Variants in FBXL2 observed in about 807,000 individuals in gnomAD.
The protein encoded by FBXL2 is F-box/LRR-repeat protein 2.
FBXL2 carries 38 observed loss-of-function variants against 69.2 expected under a neutral mutation model. That is an observed-to-expected ratio of 0.55 (90% confidence interval 0.42 to 0.72). The LOEUF is 0.72. Ranked by LOEUF, FBXL2 falls within the 30% of genes least tolerant of loss-of-function variation. The pLI is 0.00. For synonymous variants in FBXL2, 192 were observed against 201.3 expected (o/e 0.95, Z 0.39); for missense variants, 354 against 520.3 (o/e 0.68, Z 3.11).
chr3:33,339,347 C>T (rs1437074357), intron 2 of FBXL2, among the ~76,000 whole-genome samples: 1 of 152,184 alleles, frequency 6.6e-6, no homozygotes, highest in East Asian at 1.9e-4. Flanking sequence ...CTAGTTCAGC[C>T]ACTGTAGAAG....
intron 2 of FBXL2, among the ~76,000 whole-genome samples, chr3:33,357,706 T>C (rs2041310165): frequency 1.3e-5 from 2 of 152,074 alleles, no homozygotes; most frequent in South Asian, 4.1e-4. Context: ...ATTTTTTGTA[T>C]TTTTAGTAGA....
At chr3:33,384,732 G>A (rs117227179) in intron 14 of FBXL2, among the ~76,000 whole-genome samples, 2 of 151,916 alleles carry the variant, frequency 1.3e-5, no homozygotes, top group East Asian at 2.0e-4. Flanking sequence ...TCTGGTGATC[G>A]TAGCCCTTAT....
intron 5 of FBXL2, among the ~76,000 whole-genome samples, chr3:33,364,943 A>G (rs2041858061): frequency 6.6e-6 from 1 of 152,098 alleles, no homozygotes; most frequent in Non-Finnish European, 1.5e-5. Context: ...CCCCCGGCCG[A>G]GTGTCAGTTC....
intron 2 of FBXL2, among the ~76,000 whole-genome samples, chr3:33,316,793 G>A (rs1294942382): frequency 1.3e-5 from 2 of 152,136 alleles, no homozygotes; most frequent in Admixed American, 1.3e-4. Flanking sequence ...ATAATTTACA[G>A]ACAATAAAAT....
intron 1 of FBXL2, among the ~76,000 whole-genome samples, chr3:33,284,976 G>A (rs1245589053): frequency 6.6e-6 from 1 of 152,140 alleles, no homozygotes; most frequent in Non-Finnish European, 1.5e-5. Context: ...ACAGCACACT[G>A]TTGGGTCTTG....
At chr3:33,406,587 A>G (rs1359248694), downstream of FBXL2, among the ~76,000 whole-genome samples, 1 of 152,248 alleles carries the variant, frequency 6.6e-6, no homozygotes, top group African/African-American at 2.4e-5. Context: ...AGCATGGCAG[A>G]GTAATGTAGA....
the FBXL2 span, among the ~76,000 whole-genome samples, chr3:33,419,020 C>A: frequency 6.6e-6 from 1 of 152,252 alleles, no homozygotes; most frequent in East Asian, 1.9e-4. Context: ...CAAATTAAAA[C>A]CACACTGAAA....
rs534975453 is a variant in FBXL2, at chr3:33,383,987, A to G, written c.952-2A>G. 1 of 1,613,936 alleles carries G rather than the reference A, an allele frequency of 6.2e-7. No individual in the cohort carries two copies. The highest frequency in any genetic ancestry group is 1.1e-5 in the South Asian group (1 of 91,076). On this transcript the variant is annotated splice_acceptor_variant, in intron 13 of 14. Coordinates refer to ENST00000484457, the MANE Select transcript of FBXL2 (RefSeq NM_012157.5). LOFTEE classifies it high-confidence loss of function. Reference sequence around the variant, plus strand: ...ACATTTACTCATGTCTTCCTGTTCCAGAGCCTGTCCCACTGTGAACTCATC... The same window carrying G: ...ACATTTACTCATGTCTTCCTGTTCCGGAGCCTGTCCCACTGTGAACTCATC...
At chr3:33,352,390 C>T (rs1029036412) in intron 2 of FBXL2, among the ~76,000 whole-genome samples, 1 of 152,066 alleles carries the variant, frequency 6.6e-6, no homozygotes, top group Non-Finnish European at 1.5e-5. Flanking sequence ...TCTAGGTGAC[C>T]TTAGATTTGG....
intron 12 of FBXL2, chr3:33,396,284 C>CCG (rs2043991614): frequency 6.4e-7 from 1 of 1,570,306 alleles, no homozygotes; most frequent in African/African-American, 1.3e-5. Context: ...AACCGACCTG[C>CCG]AATCAGAAGA....
At chr3:33,326,686 A>G (rs1388653651) in intron 2 of FBXL2, among the ~76,000 whole-genome samples, 2 of 152,170 alleles carry the variant, frequency 1.3e-5, no homozygotes, top group Non-Finnish European at 1.5e-5. Flanking sequence ...GCACCTTGGT[A>G]TATGAGCACA....
At chr3:33,357,990 C>A (rs72852017) in intron 2 of FBXL2, among the ~76,000 whole-genome samples, 10,025 of 152,172 alleles carry the variant, frequency 0.066, 1,106 homozygotes, top group African/African-American at 0.22. Flanking sequence ...ACAACACTTT[C>A]ATGTTTTATG....
chr3:33,360,847 T>C (rs1366096792), intron 4 of FBXL2, among the ~76,000 whole-genome samples: 1 of 151,394 alleles, frequency 6.6e-6, no homozygotes, highest in African/African-American at 2.4e-5. Flanking sequence ...TCTTTTTCTG[T>C]GGTTCTTCAT....
chr3:33,355,828 C>T (rs1422234487), intron 2 of FBXL2, among the ~76,000 whole-genome samples: 17 of 152,190 alleles, frequency 1.1e-4, no homozygotes, highest in Non-Finnish European at 1.5e-5. Flanking sequence ...GTCGCTATCT[C>T]CGTTTCTATT....
chr3:33,282,831 T>G (rs2034181926), intron 1 of FBXL2, among the ~76,000 whole-genome samples: 1 of 152,212 alleles, frequency 6.6e-6, no homozygotes, highest in African/African-American at 2.4e-5. Flanking sequence ...AGTTCACTCA[T>G]GATTTGGCTC....
the FBXL2 span, among the ~76,000 whole-genome samples, chr3:33,421,944 T>G: frequency 6.6e-6 from 1 of 152,138 alleles, no homozygotes; most frequent in Admixed American, 6.5e-5. Context: ...CTCCAGAGGC[T>G]GAGGCAGGAG....
intron 2 of FBXL2, among the ~76,000 whole-genome samples, chr3:33,350,287 CAT>C (rs2040737498): frequency 2.0e-5 from 3 of 152,134 alleles, no homozygotes; most frequent in South Asian, 4.2e-4. Context: ...AGAAAAAAAT[CAT>C]GTGGTCACAT....
chr3:33,307,243 A>G (rs781715534), intron 2 of FBXL2, among the ~76,000 whole-genome samples: 1 of 152,190 alleles, frequency 6.6e-6, no homozygotes, highest in Non-Finnish European at 1.5e-5. Flanking sequence ...GCACAATATC[A>G]TATCTGTGGC....
chr3:33,295,632 ACT>A (rs1236294727), intron 1 of FBXL2, among the ~76,000 whole-genome samples: 1 of 151,938 alleles, frequency 6.6e-6, no homozygotes, highest in African/African-American at 2.4e-5. Flanking sequence ...TCATATGGTA[ACT>A]CTTTTTAACC....
Sources: gnomAD v4.1 joint callset for allele counts (sites outside exome capture counted in the v4.1 genomes callset) on GRCh38, gnomAD v4.1.1 for gene constraint, MANE v1.5 for transcripts, NCBI Gene and HGNC (gene_info 2026-07-23, HGNC 2026-07-21) for gene names.